PALLD: variants seen among roughly 807,000 people sequenced by gnomAD.
PALLD encodes the protein palladin.
In PALLD, 61 loss-of-function variants were observed where a neutral mutation model predicts 123.5. The ratio of observed to expected loss-of-function variants is 0.49; its 90% CI spans 0.40 to 0.61. The LOEUF (loss-of-function observed/expected upper bound fraction) is 0.61, where lower values mean the gene tolerates loss of function less well. Among genes scored for constraint, PALLD ranks in the 20% least tolerant of loss-of-function variants. The pLI, the probability that PALLD is intolerant of heterozygous loss-of-function variation, is 0.00. For synonymous variants in PALLD, 465 were observed against 496.4 expected (o/e 0.94, Z 0.84); for missense variants, 1,273 against 1,377.0 (o/e 0.92, Z 1.20).
chr4:168,773,071 C>T (rs527328369), intron 10 of PALLD, among the ~76,000 whole-genome samples: 1 of 152,278 alleles, frequency 6.6e-6, no homozygotes, highest in East Asian at 1.9e-4. Context: ...CTATGACATT[C>T]TCTCAAGAGT....
intron 1 of PALLD, among the ~76,000 whole-genome samples, chr4:168,498,126 AT>A (rs200454448): frequency 5.9e-5 from 9 of 151,670 alleles, no homozygotes; most frequent in East Asian, 3.8e-4. Context: ...AATTATTCAG[AT>A]TTTTTTTTCA....
chr4:168,811,768 T>TCACACACA (rs1201722924), intron 10 of PALLD, among the ~76,000 whole-genome samples: 1,393 of 109,748 alleles, frequency 0.013, 13 homozygotes, highest in African/African-American at 0.042. Context: ...TCTCTCTCTC[T>TCACACACA]CTCTCTCTCA....
intron 2 of PALLD, among the ~76,000 whole-genome samples, chr4:168,652,351 T>G (rs551888727): frequency 1.3e-5 from 2 of 152,360 alleles, no homozygotes; most frequent in African/African-American, 4.8e-5. Context: ...AAACTGATTC[T>G]TTGGTTAAAT....
intron 2 of PALLD, among the ~76,000 whole-genome samples, chr4:168,539,894 A>G (rs1765450492): frequency 6.6e-6 from 1 of 152,074 alleles, no homozygotes; most frequent in South Asian, 2.1e-4. Flanking sequence ...GGCTTGGGGT[A>G]CGATTGATCT....
chr4:168,680,531 C>T (rs1781454914), intron 3 of PALLD, among the ~76,000 whole-genome samples: 1 of 133,760 alleles, frequency 7.5e-6, no homozygotes, highest in Non-Finnish European at 1.6e-5. Context: ...GAACAATACA[C>T]ATCAGACTTA....
At chr4:168,725,327 G>C (rs549070317) in intron 10 of PALLD, among the ~76,000 whole-genome samples, 8 of 152,148 alleles carry the variant, frequency 5.3e-5, no homozygotes, top group African/African-American at 1.9e-4. Context: ...AAATGAGTAA[G>C]TTGTAAAAGA....
At chr4:168,690,861 G>A in intron 7 of PALLD, 117 bp downstream of exon 7, 1 of 1,078,370 alleles carries the variant, frequency 9.3e-7, no homozygotes, top group Non-Finnish European at 1.4e-6. Flanking sequence ...AGAGTGGCAG[G>A]ATCAGATAAT....
chr4:168,510,137 C>T (rs149423872), intron 1 of PALLD, among the ~76,000 whole-genome samples: 31 of 152,264 alleles, frequency 2.0e-4, no homozygotes, highest in African/African-American at 7.0e-4. Context: ...GACATCACCG[C>T]TGATGTTTTC....
rs77756044 is a variant in PALLD at position 168,535,493 on chromosome 4, G to A, written c.908+23081G>A. ...TTCTGTAATTGAGATTCAGATAACC[G>A]AACCCACATATCCTAGGCCAGTGGT... On this transcript the variant is annotated intron_variant, in intron 2 of 21. Coordinates refer to ENST00000505667, the MANE Select transcript of PALLD (RefSeq NM_001166108.2). 2.6e-4 allele frequency among the ~76,000 whole-genome samples: 39 copies of A among 152,262 alleles called. No homozygotes were observed. The East Asian group carries it at 7.3e-3, about 29-fold the overall frequency.
chr4:168,541,582 C>A (rs553724157), intron 2 of PALLD, among the ~76,000 whole-genome samples: 2 of 152,168 alleles, frequency 1.3e-5, no homozygotes, highest in East Asian at 1.9e-4. Flanking sequence ...TCCTGAGTAG[C>A]TGGGATTACA....
Position 168,508,815 on chromosome 4 carries a change from T to C in PALLD, c.-82-2608T>C, listed in dbSNP as rs371915261. Reference sequence around the variant, plus strand: ...TCTCCACCTTCATGTCTCTTCTGGATCCATGTTACCTAATGGCTCATCTCC... The same window carrying C: ...TCTCCACCTTCATGTCTCTTCTGGACCCATGTTACCTAATGGCTCATCTCC... On this transcript the variant is annotated intron_variant, in intron 1 of 21. Transcript: ENST00000505667. Among the ~76,000 whole-genome samples, 278 of 152,194 alleles carry C rather than the reference T, an allele frequency of 1.8e-3. 1 individual carries two copies. Among genetic ancestry groups the C allele is most frequent in the African/African-American group, 6.4e-3 (265 of 41,534 alleles).
chr4:168,901,712 G>C (rs1756557015), intron 14 of PALLD, among the ~76,000 whole-genome samples: 1 of 152,044 alleles, frequency 6.6e-6, no homozygotes, highest in Non-Finnish European at 1.5e-5. Context: ...ACAAACATTA[G>C]CTGAGCATGG....
chr4:168,899,251 G>A (rs1020934419), intron 14 of PALLD, among the ~76,000 whole-genome samples: 1 of 152,148 alleles, frequency 6.6e-6, no homozygotes, highest in South Asian at 2.1e-4. Context: ...AGGATGACCT[G>A]GATGGGAGCT....
intron 2 of PALLD, among the ~76,000 whole-genome samples, chr4:168,578,509 A>G (rs920733892): frequency 2.0e-5 from 3 of 152,218 alleles, no homozygotes; most frequent in Middle Eastern, 3.4e-3. Context: ...CCCTTCTGCC[A>G]TAATTGTAAG....
chr4:168,643,612 CT>C (rs796908385), intron 2 of PALLD, among the ~76,000 whole-genome samples: 26 of 151,764 alleles, frequency 1.7e-4, no homozygotes, highest in African/African-American at 5.3e-4. Flanking sequence ...CTAATGAACA[CT>C]TTTAGGAAAG....
intron 2 of PALLD, among the ~76,000 whole-genome samples, chr4:168,620,338 G>C (rs572986046): frequency 6.6e-6 from 1 of 152,122 alleles, no homozygotes; most frequent in Admixed American, 6.5e-5. Context: ...TCCTGTAATC[G>C]CAGCTACTCA....
chr4:168,799,136 T>G (rs1283420250), intron 10 of PALLD, among the ~76,000 whole-genome samples: 1 of 152,210 alleles, frequency 6.6e-6, no homozygotes, highest in Non-Finnish European at 1.5e-5. Context: ...TTTGCCTTAT[T>G]TGTACACAGT....
At chr4:168,891,148 C>T (rs1203991542) in intron 11 of PALLD, 91 bp downstream of exon 11, 6 of 1,259,954 alleles carry the variant, frequency 4.8e-6, no homozygotes, top group African/African-American at 1.5e-5. Context: ...GATATTTGTC[C>T]ACAACATCAT....
At chr4:168,854,083 G>A (rs916437940) in intron 10 of PALLD, among the ~76,000 whole-genome samples, 6 of 152,196 alleles carry the variant, frequency 3.9e-5, no homozygotes, top group Non-Finnish European at 7.3e-5. Flanking sequence ...ACAGAGGTAC[G>A]AAAGATTAAA....
Sources: allele counts gnomAD v4.1 joint callset (sites outside exome capture counted in the v4.1 genomes callset), GRCh38; gene constraint gnomAD v4.1.1; transcripts MANE v1.5; gene names NCBI Gene and HGNC (gene_info 2026-07-23, HGNC 2026-07-21).